The following ASIC2 variants were observed in gnomAD, a reference collection of about 807,000 sequenced individuals.
ASIC2 encodes the protein acid-sensing ion channel 2.
In ASIC2, 25 loss-of-function variants were observed where a neutral mutation model predicts 57.3. That is an observed-to-expected ratio of 0.44 (90% CI 0.32 to 0.61). ASIC2 has a LOEUF of 0.61. ASIC2 is among the 20% of genes least tolerant of loss of function. ASIC2 has a pLI of 0.06. For synonymous variants in ASIC2, 319 were observed against 307.5 expected, an observed-to-expected ratio of 1.04 and a Z score of -0.39; for missense variants, 641 against 738.1, an observed-to-expected ratio of 0.87 and a Z score of 1.52.
chr17:33,060,924 C>G (rs1427862190), intron 3 of ASIC2, among the ~76,000 whole-genome samples: 1 of 152,052 alleles, frequency 6.6e-6, no homozygotes, highest in African/African-American at 2.4e-5. Context: ...TTTGAAGCAA[C>G]TGTGAATGGG....
At chr17:33,344,000 C>T (rs1907842822) in intron 1 of ASIC2, among the ~76,000 whole-genome samples, 1 of 152,186 alleles carries the variant, frequency 6.6e-6, no homozygotes, top group Admixed American at 6.5e-5. Context: ...TCCCAGATAC[C>T]TCCAGGCTGA....
At chr17:33,035,875 T>G (rs2091906905) in intron 3 of ASIC2, among the ~76,000 whole-genome samples, 1 of 152,212 alleles carries the variant, frequency 6.6e-6, no homozygotes, top group African/African-American at 2.4e-5. Context: ...GGATTTTCCC[T>G]TCCAATTTTC....
chr17:33,545,299 T>C (rs1915543445), intron 1 of ASIC2, among the ~76,000 whole-genome samples: 1 of 152,178 alleles, frequency 6.6e-6, no homozygotes, highest in African/African-American at 2.4e-5. Flanking sequence ...TTCATGGCTG[T>C]GAGACCCAGT....
chr17:33,111,026 C>G (rs2092256058), intron 2 of ASIC2, among the ~76,000 whole-genome samples: 1 of 152,186 alleles, frequency 6.6e-6, no homozygotes, highest in Non-Finnish European at 1.5e-5. Flanking sequence ...CCTTCTCTTC[C>G]TGGTGAAATT....
chr17:34,032,305 C>T (rs950505906), intron 1 of ASIC2, among the ~76,000 whole-genome samples: 1 of 152,124 alleles, frequency 6.6e-6, no homozygotes. Context: ...TACAGACAAG[C>T]AAATGCTGAG....
rs542814712 is a variant in ASIC2 at position 34,000,271 on chromosome 17, G to A, written c.555+155707C>T. On this transcript the variant is annotated intron_variant, in intron 1 of 9. Transcript: ENST00000359872. ...ATCTATTTTTTTTTTTTTTTTTTGA[G>A]ACAGAGTTTCACTCTTTTTGACCAG... 9.1e-3 allele frequency among the ~76,000 whole-genome samples: 693 copies of A among 76,382 alleles called. 5 individuals carry two copies. Among genetic ancestry groups the A allele is most frequent in the African/African-American group, 0.054 (630 of 11,682 alleles). The allele number at this position is 76,382 out of a possible 152,430, so 50.1% of individuals were successfully genotyped here. A position where few individuals can be genotyped will look rare whatever the true frequency, so the allele number is the denominator to read the frequency against.
At chr17:33,326,581 G>A (rs1178704537) in intron 1 of ASIC2, among the ~76,000 whole-genome samples, 1 of 152,178 alleles carries the variant, frequency 6.6e-6, no homozygotes, top group Non-Finnish European at 1.5e-5. Flanking sequence ...CAGTTGTCTA[G>A]CAATGAAGCC....
intron 1 of ASIC2, among the ~76,000 whole-genome samples, chr17:34,031,644 A>T (rs1428167487): frequency 6.6e-6 from 1 of 152,168 alleles, no homozygotes; most frequent in Non-Finnish European, 1.5e-5. Context: ...TAACTAGAAT[A>T]ACCAATGGAG....
At chr17:34,115,846 C>T (rs537836642) in intron 1 of ASIC2, among the ~76,000 whole-genome samples, 5 of 152,226 alleles carry the variant, frequency 3.3e-5, no homozygotes, top group Non-Finnish European at 5.9e-5. Context: ...TATCCAATAG[C>T]GCAAGAGTAC....
chr17:33,741,083 C>T (rs933544828), intron 1 of ASIC2, among the ~76,000 whole-genome samples: 4 of 152,136 alleles, frequency 2.6e-5, no homozygotes, highest in African/African-American at 4.8e-5. Flanking sequence ...TGGGAGTGCA[C>T]GGAGCTGTCG....
intron 1 of ASIC2, among the ~76,000 whole-genome samples, chr17:34,104,465 C>T (rs758696587): frequency 3.9e-5 from 6 of 152,024 alleles, no homozygotes; most frequent in Non-Finnish European, 8.8e-5. Context: ...TAGTTTTCCT[C>T]GCATTATTGA....
intron 1 of ASIC2, chr17:34,039,105 T>C (rs980493400): frequency 1.9e-6 from 3 of 1,614,008 alleles, no homozygotes; most frequent in African/African-American, 1.3e-5. Context: ...TGTATTTCTC[T>C]AGCATCTTTT....
chr17:33,892,407 C>T (rs1178167217), intron 1 of ASIC2, among the ~76,000 whole-genome samples: 3 of 152,140 alleles, frequency 2.0e-5, no homozygotes, highest in African/African-American at 7.2e-5. Context: ...TGCAAAGGCC[C>T]TGATGCAGAG....
At chr17:34,115,768 C>G (rs529850565) in intron 1 of ASIC2, among the ~76,000 whole-genome samples, 5 of 152,162 alleles carry the variant, frequency 3.3e-5, no homozygotes, top group Admixed American at 2.0e-4. Flanking sequence ...TAGAATTTAA[C>G]AAGTTGAAAA....
chr17:33,579,053 A>C (rs1567657593), intron 1 of ASIC2, among the ~76,000 whole-genome samples: 2 of 152,090 alleles, frequency 1.3e-5, no homozygotes, highest in South Asian at 4.2e-4. Flanking sequence ...TGGGAGGTCG[A>C]AGCGGGTGGA....
intron 3 of ASIC2, among the ~76,000 whole-genome samples, chr17:33,047,897 C>T (rs2091961566): frequency 6.6e-6 from 1 of 152,188 alleles, no homozygotes; most frequent in African/African-American, 2.4e-5. Flanking sequence ...ATACCATCTA[C>T]CTCAGGAGTT....
At chr17:33,135,632 G>T (rs568887960) in intron 1 of ASIC2, among the ~76,000 whole-genome samples, 55 of 152,292 alleles carry the variant, frequency 3.6e-4, no homozygotes, top group African/African-American at 1.2e-3. Context: ...GAGGAGACAG[G>T]CTCCGACACT....
chr17:34,008,790 G>A (rs367555781), intron 1 of ASIC2, among the ~76,000 whole-genome samples: 18 of 152,260 alleles, frequency 1.2e-4, no homozygotes, highest in East Asian at 7.7e-4. Flanking sequence ...TGCCCAAAGC[G>A]AAGGCTGCAG....
chr17:33,644,665 T>A (rs1352639962), intron 1 of ASIC2, among the ~76,000 whole-genome samples: 3 of 152,248 alleles, frequency 2.0e-5, no homozygotes, highest in Non-Finnish European at 4.4e-5. Context: ...ATGGATAAGG[T>A]ATGTTTAGTA....
Sources: gnomAD v4.1 joint callset for allele counts (sites outside exome capture counted in the v4.1 genomes callset) on GRCh38, gnomAD v4.1.1 for gene constraint, MANE v1.5 for transcripts, NCBI Gene and HGNC (gene_info 2026-07-23, HGNC 2026-07-21) for gene names.